BOC: variants seen among roughly 807,000 people sequenced by gnomAD.
The protein encoded by BOC is brother of CDO.
In BOC, 76 loss-of-function variants were observed where a neutral mutation model predicts 112.0. The observed-to-expected ratio is 0.68, with a 90% CI of 0.56 to 0.82. The LOEUF (loss-of-function observed/expected upper bound fraction) is 0.82, where lower values mean the gene tolerates loss of function less well. BOC is among the 40% of genes least tolerant of loss of function. The pLI, the probability that BOC is intolerant of heterozygous loss-of-function variation, is 0.00. For synonymous variants in BOC, 580 were observed against 599.8 expected (o/e 0.97, Z 0.48); for missense variants, 1,309 against 1,511.7 (o/e 0.87, Z 2.22).
In BOC at chr3:113,278,646, T is replaced by G. The variant is rs1334986585; in HGVS notation, c.1706-27T>G. 7 of 1,540,266 alleles carry G rather than the reference T, an allele frequency of 4.5e-6. No homozygotes were observed. The highest frequency in any genetic ancestry group is 6.2e-6 in the Non-Finnish European group (7 of 1,136,478). ...GAGATCTCATGCCTGCTTCCTCCCTTGCTGACTACAACCCATTTCCACCCA... is the reference window on the plus strand; with the variant it reads ...GAGATCTCATGCCTGCTTCCTCCCTGGCTGACTACAACCCATTTCCACCCA... On this transcript the variant is annotated intron_variant, in intron 10 of 19. Coordinates refer to ENST00000682979, the MANE Select transcript of BOC (RefSeq NM_001378074.1). The surrounding 1 kb of genome is among the most constrained non-coding windows in gnomAD (Gnocchi z 4.2).
At chr3:113,239,217 G>T (rs990877450) in intron 2 of BOC, among the ~76,000 whole-genome samples, 1 of 151,902 alleles carries the variant, frequency 6.6e-6, no homozygotes, top group South Asian at 2.1e-4. Flanking sequence ...TTTTTTTTAA[G>T]TGGGTACTAG....
rs767660512 is a variant in BOC, at chr3:113,273,352, C to G, written c.1234+11C>G. On this transcript the variant is annotated intron_variant, in intron 8 of 19. Transcript: ENST00000682979. ...GGACCTCCAGGCCAAGTGAGTGTAG[C>G]CCAGGGGTCTGAGATTCCAGCTGAT... 9.5e-5 allele frequency: 149 copies of G among 1,575,328 alleles called. No homozygotes were observed. The highest frequency in any genetic ancestry group is 1.2e-4 in the Non-Finnish European group (142 of 1,152,248).
chr3:113,226,610 A>T (rs1213517279), intron 2 of BOC, among the ~76,000 whole-genome samples: 1 of 152,234 alleles, frequency 6.6e-6, no homozygotes, highest in African/African-American at 2.4e-5. Flanking sequence ...ATGAGAAATT[A>T]ACCAAAATGC....
At chr3:113,282,920 A>G (rs1482472896) in intron 15 of BOC, among the ~76,000 whole-genome samples, 1 of 152,150 alleles carries the variant, frequency 6.6e-6, no homozygotes, top group African/African-American at 2.4e-5. Flanking sequence ...GGCATCTCAC[A>G]TGTACTGTGT....
At chr3:113,263,412 A>T (rs1947110416) in intron 4 of BOC, among the ~76,000 whole-genome samples, 1 of 152,228 alleles carries the variant, frequency 6.6e-6, no homozygotes, top group East Asian at 1.9e-4. Context: ...GCTCATGGAT[A>T]TGGGGATATT....
chr3:113,284,273 C>A, intron 16 of BOC, 62 bp from the exon 17 acceptor site: 4 of 1,440,786 alleles, frequency 2.8e-6, no homozygotes, highest in East Asian at 4.6e-5. Flanking sequence ...CCTTGTGGGG[C>A]TTTTCCAACC....
intron 2 of BOC, among the ~76,000 whole-genome samples, chr3:113,226,219 G>T (rs547888482): frequency 1.3e-5 from 2 of 152,276 alleles, no homozygotes; most frequent in Admixed American, 6.5e-5. Flanking sequence ...TTATCAAAAG[G>T]AGTGGCATTC....
chr3:113,278,761 G>A lies in BOC; in HGVS notation c.1794G>A (p.Gln598=), dbSNP rs1178783929. 1 of 1,557,748 alleles carries A rather than the reference G, an allele frequency of 6.4e-7. No homozygotes were observed. Among genetic ancestry groups the A allele is most frequent in the South Asian group, 1.2e-5 (1 of 84,536 alleles). Residue 598 remains glutamine (Q), a synonymous_variant, in exon 11 of 20, where the codon CAG becomes CAA. Coordinates refer to ENST00000682979, the MANE Select transcript of BOC (RefSeq NM_001378074.1). This position sits in a 1 kb window ranked among gnomAD's most constrained non-coding sequence, Gnocchi z 4.2. ...DPGASPQSSS[Q]PDHGRLSPPE... is the part of the protein sequence containing the mutation. The stretch of plus-strand genomic sequence containing the variant: ...GAGCCAGTCCCCAGAGCAGCAGCCA[G>A]CCAGACCACGGCCGCCTCTCCCGTA...
intron 2 of BOC, among the ~76,000 whole-genome samples, chr3:113,217,552 G>A (rs1939680682): frequency 6.6e-6 from 1 of 152,180 alleles, no homozygotes; most frequent in East Asian, 1.9e-4. Context: ...AGAGAGATGG[G>A]AGATGGGAGA....
chr3:113,274,465 T>G lies in BOC; in HGVS notation c.1325T>G (p.Leu442Arg). The G allele has an allele frequency of 6.2e-7, 1 of 1,611,248 alleles. No homozygotes were observed. Among genetic ancestry groups the G allele is most frequent in the South Asian group, 1.1e-5 (1 of 90,936 alleles). Residue 442 changes from leucine to arginine, a missense_variant, in exon 9 of 20, where the codon CTG becomes CGG. Leu to Arg is a moderately radical substitution (Grantham distance 102). Coordinates refer to ENST00000682979, the MANE Select transcript of BOC (RefSeq NM_001378074.1). This position sits in a 1 kb window ranked among gnomAD's most constrained non-coding sequence, Gnocchi z 4.8. ...AAACTCGGCAACCCTGAGCAGATGCTGAGGGGGCAACCGGCGCTCCCCAGA... is the reference window on the plus strand; with the variant it reads ...AAACTCGGCAACCCTGAGCAGATGCGGAGGGGGCAACCGGCGCTCCCCAGA... ...PSKLGNPEQM[L>R]RGQPALPRPP...
At chr3:113,266,565 A>G (rs570872872) in intron 4 of BOC, among the ~76,000 whole-genome samples, 2 of 152,340 alleles carry the variant, frequency 1.3e-5, no homozygotes, top group South Asian at 2.1e-4. Context: ...TATGAGTTCA[A>G]CTATGAGTTT....
At chr3:113,258,607 T>G (rs1946483186) in intron 4 of BOC, among the ~76,000 whole-genome samples, 1 of 152,228 alleles carries the variant, frequency 6.6e-6, no homozygotes, top group Non-Finnish European at 1.5e-5. Flanking sequence ...ACAAGCTTTT[T>G]GCTTTGGGAT....
At position 113,274,333 on chromosome 3, in the gene BOC, C is replaced by A; in HGVS notation, c.1235-42C>A. On this transcript the variant is annotated intron_variant, in intron 8 of 19. Transcript: ENST00000682979. This position sits in a 1 kb window ranked among gnomAD's most constrained non-coding sequence, Gnocchi z 4.8. ...AGGAACAACAGCTCAGCAGGTAAAC[C>A]AGGAGACTAACCTTTCCTTCTGCTT... is the stretch of plus-strand genomic sequence containing the variant. 1 of 1,475,890 alleles carries A rather than the reference C, an allele frequency of 6.8e-7. No homozygotes were observed. The highest frequency in any genetic ancestry group is 1.4e-5 in the South Asian group (1 of 71,088). 91.4% of individuals were successfully genotyped at this position (1,475,890 alleles called of 1,614,324 possible).
In BOC at chr3:113,284,320, T is replaced by G. The variant is rs1157737268; in HGVS notation, c.2657-15T>G. The G allele has an allele frequency of 3.1e-6, 5 of 1,609,512 alleles. No individual in the cohort carries two copies. Among genetic ancestry groups the G allele is most frequent in the Non-Finnish European group, 4.3e-6 (5 of 1,175,990 alleles). Reference sequence around the variant, plus strand: ...ACCTTGGCCTAAGCACACCTTTATTTTTCTGTCCTTCCAGAACATACAACA... The same window carrying G: ...ACCTTGGCCTAAGCACACCTTTATTGTTCTGTCCTTCCAGAACATACAACA... On this transcript the variant is annotated splice_polypyrimidine_tract_variant and intron_variant, in intron 16 of 19. Transcript: ENST00000682979.
At chr3:113,245,141 A>C (rs145671080) in intron 2 of BOC, among the ~76,000 whole-genome samples, 203 of 152,346 alleles carry the variant, frequency 1.3e-3, no homozygotes, top group African/African-American at 4.8e-3. Context: ...AATTTTAATT[A>C]AAAAAATTTT....
intron 2 of BOC, among the ~76,000 whole-genome samples, chr3:113,244,646 T>C (rs143226470): frequency 1.6e-4 from 24 of 152,350 alleles, no homozygotes; most frequent in African/African-American, 5.5e-4. Context: ...CTAGTAGCTA[T>C]CTAGTGCTTT....
At position 113,274,669 on chromosome 3, in the gene BOC, T is replaced by C; in HGVS notation, c.1529T>C (p.Val510Ala). The change falls in exon 9 of 20, where the codon GTG becomes GCG. Residue 510 changes from valine (V) to alanine (A), a missense_variant. Transcript: ENST00000682979. This position sits in a 1 kb window ranked among gnomAD's most constrained non-coding sequence, Gnocchi z 4.8. ...SGRAPILYYV[V>A]KHRKQVTNSS... ...CGGGCGCCAATCCTCTACTATGTGG[T>C]GAAACACCGCAAGGTATGGCCCTGG... 4.4e-6 allele frequency: 7 copies of C among 1,596,404 alleles called. No individual in the cohort carries two copies. The highest frequency in any genetic ancestry group is 6.0e-6 in the Non-Finnish European group (7 of 1,167,332).
In BOC at chr3:113,274,503, G is replaced by A; in HGVS notation, c.1363G>A (p.Val455Met). ...GGCGCTCCCCAGACCCCCAACGTCA[G>A]TGGGGCCTGCTTCCCCGCAGTGTCC... ...QPALPRPPTS[V>M]GPASPQCPGE... Residue 455 changes from valine to methionine, a missense_variant, in exon 9 of 20, where the codon GTG (valine) becomes ATG (methionine). Physicochemically the swap from Val to Met is conservative, Grantham distance 21. Coordinates refer to ENST00000682979, the MANE Select transcript of BOC (RefSeq NM_001378074.1). This position sits in a 1 kb window ranked among gnomAD's most constrained non-coding sequence, Gnocchi z 4.8. The A allele has an allele frequency of 6.2e-7, 1 of 1,613,130 alleles. No individual in the cohort carries two copies. Among genetic ancestry groups the A allele is most frequent in the African/African-American group, 1.3e-5 (1 of 75,064 alleles).
In BOC at chr3:113,272,605, C is replaced by T. The variant is rs1445581829; in HGVS notation, c.863C>T (p.Thr288Ile). 4.3e-6 allele frequency: 7 copies of T among 1,613,952 alleles called. No individual in the cohort carries two copies. The highest frequency in any genetic ancestry group is 1.1e-5 in the South Asian group (1 of 91,074). The stretch of plus-strand genomic sequence containing the variant: ...CTGCTGAGCAACCTCCTCATCGACA[C>T]CACCAGCGAGGAGGACTCAGGCACC... ...RFLLSNLLID[T>I]TSEEDSGTYR... Residue 288 changes from threonine to isoleucine, a missense_variant, in exon 7 of 20, where the codon ACC (threonine) becomes ATC (isoleucine). Transcript: ENST00000682979.
Sources: gnomAD v4.1 joint callset for allele counts (sites outside exome capture counted in the v4.1 genomes callset) on GRCh38, gnomAD v4.1.1 for gene constraint, Gnocchi (gnomAD v3.1) non-coding constraint, MANE v1.5 for transcripts, NCBI Gene and HGNC (gene_info 2026-07-23, HGNC 2026-07-21) for gene names.